PHACTR2: variants seen among roughly 807,000 people sequenced by gnomAD.
PHACTR2 encodes chromosome 6 open reading frame 56.
In PHACTR2, 30 loss-of-function variants were observed where a neutral mutation model predicts 76.0. The ratio of observed to expected loss-of-function variants is 0.39; its 90% CI spans 0.30 to 0.54. The LOEUF (loss-of-function observed/expected upper bound fraction) is 0.54, where lower values mean the gene tolerates loss of function less well. Among genes scored for constraint, PHACTR2 ranks in the 20% least tolerant of loss-of-function variants. The pLI is 0.61. For missense variants in PHACTR2, 696 were observed against 781.1 expected, an observed-to-expected ratio of 0.89 and a Z score of 1.30; for synonymous variants, 292 against 292.5, an observed-to-expected ratio of 1.00 and a Z score of 0.02.
chr6:143,575,239 T>C (rs576420951), intron 1 of PHACTR2, among the ~76,000 whole-genome samples: 1 of 152,362 alleles, frequency 6.6e-6, no homozygotes, highest in South Asian at 2.1e-4. Context: ...TATCCGTGGT[T>C]CATAGTTCGA....
rs1775032795 is a variant in PHACTR2 at position 143,547,901 on chromosome 6, T to TATC, written c.217+10695_217+10697dup. ...GTATGTACGTATGTATCTATCTATCTATCTATCATCTATCTATCCATCTAT... is the reference window on the plus strand; with the variant it reads ...GTATGTACGTATGTATCTATCTATCTATCATCTATCATCTATCTATCCATCTAT... On this transcript the variant is annotated intron_variant, in intron 1 of 11. Transcript: ENST00000367584. This position sits in a 1 kb window ranked among gnomAD's most constrained non-coding sequence, Gnocchi z 4.2. Among the ~76,000 whole-genome samples the TATC allele has an allele frequency of 6.6e-6, 1 of 152,202 alleles. No individual in the cohort carries two copies. The highest frequency in any genetic ancestry group is 2.4e-5 in the African/African-American group (1 of 41,440).
At chr6:143,747,073 A>T (rs575198073) in intron 2 of PHACTR2, among the ~76,000 whole-genome samples, 1 of 152,208 alleles carries the variant, frequency 6.6e-6, no homozygotes, top group African/African-American at 2.4e-5. Flanking sequence ...TTCTATTCTG[A>T]TTCTATCCAA....
Position 143,658,440 on chromosome 6 carries a change from C to T in PHACTR2, c.13+50118C>T, listed in dbSNP as rs1171723173. 6.6e-6 allele frequency among the ~76,000 whole-genome samples: 1 copy of T among 152,064 alleles called. No homozygotes were observed. The highest frequency in any genetic ancestry group is 1.5e-5 in the Non-Finnish European group (1 of 68,008). ...ACAGATTTTTTTCAATAAAGTACAA[C>T]CATGCATTGCTTAAAGACAGGGATA... On this transcript the variant is annotated intron_variant, in intron 1 of 11. Transcript: ENST00000305766. This position sits in a 1 kb window ranked among gnomAD's most constrained non-coding sequence, Gnocchi z 4.1.
At chr6:143,593,324 AG>A (rs1775713686) in intron 1 of PHACTR2, among the ~76,000 whole-genome samples, 1 of 120,580 alleles carries the variant, frequency 8.3e-6, no homozygotes, top group African/African-American at 3.2e-5. Flanking sequence ...GATCTCAAGG[AG>A]GAAACACAGG....
chr6:143,592,580 G>C lies in PHACTR2; in HGVS notation c.217+55373G>C, dbSNP rs1775703717. Among the ~76,000 whole-genome samples the C allele has an allele frequency of 6.6e-6, 1 of 152,060 alleles. No individual in the cohort carries two copies. The highest frequency in any genetic ancestry group is 1.5e-5 in the Non-Finnish European group (1 of 68,006). On this transcript the variant is annotated intron_variant, in intron 1 of 11. Coordinates refer to the PHACTR2 transcript ENST00000367584. This position sits in a 1 kb window ranked among gnomAD's most constrained non-coding sequence, Gnocchi z 4.0. ...TTGGTCACTCATCCTCTTTCCGGTC[G>C]TTTGTTTATGCTCTTTCCATTAACC...
upstream of PHACTR2, among the ~76,000 whole-genome samples, chr6:143,606,753 A>C (rs1775878857): frequency 6.6e-6 from 1 of 152,182 alleles, no homozygotes; most frequent in Non-Finnish European, 1.5e-5. Context: ...AAACCCAGTG[A>C]TTTCAGTCTT....
rs187086546 is a variant in PHACTR2, at chr6:143,734,196, T to C, written c.215-14789T>C. 5.3e-5 allele frequency among the ~76,000 whole-genome samples: 8 copies of C among 152,316 alleles called. No individual in the cohort carries two copies. In the East Asian group the frequency reaches 1.5e-3, roughly 29 times the overall value. On this transcript the variant is annotated intron_variant, in intron 2 of 12. Coordinates refer to ENST00000440869, the MANE Select transcript of PHACTR2 (RefSeq NM_001100164.2). ...CTAACTTTTTGTGCATTTGTCATAA[T>C]TGAAGTTAGTGGTTTTATAAATATG... is the stretch of plus-strand genomic sequence containing the variant.
rs1777147837 is a variant in PHACTR2, at chr6:143,671,166, G to T, written c.14-40850G>T. On this transcript the variant is annotated intron_variant, in intron 1 of 11. Transcript: ENST00000305766. This position sits in a 1 kb window ranked among gnomAD's most constrained non-coding sequence, Gnocchi z 4.6. ...GCTGGTCTTGAACTCCTGACATCAT[G>T]ATCCGCCTGCCTCAGCAGCCTCCCA... is the stretch of plus-strand genomic sequence containing the variant. Among the ~76,000 whole-genome samples the T allele has an allele frequency of 6.6e-6, 1 of 152,080 alleles. No homozygotes were observed. The highest frequency in any genetic ancestry group is 1.9e-4 in the East Asian group (1 of 5,178).
chr6:143,615,513 C>T (rs1015216911), intron 1 of PHACTR2, among the ~76,000 whole-genome samples: 1 of 151,960 alleles, frequency 6.6e-6, no homozygotes, highest in Non-Finnish European at 1.5e-5. Flanking sequence ...ATGGATAAGA[C>T]AAAATATAGT....
In PHACTR2 at chr6:143,691,563, G is replaced by A. The variant is rs1777644407; in HGVS notation, c.46+13354G>A. On this transcript the variant is annotated intron_variant, in intron 1 of 12. Coordinates refer to ENST00000440869, the MANE Select transcript of PHACTR2 (RefSeq NM_001100164.2). ...ATGATGCATTTCCCACAACAACTAG[G>A]TTTGAAGTAAATATATAGTTACATT... is the stretch of plus-strand genomic sequence containing the variant. Among the ~76,000 whole-genome samples the A allele has an allele frequency of 2.0e-5, 3 of 152,156 alleles. No individual in the cohort carries two copies. The South Asian group carries it at 6.2e-4, about 32-fold the overall frequency.
intron 1 of PHACTR2, among the ~76,000 whole-genome samples, chr6:143,584,893 G>C (rs1775609868): frequency 6.6e-6 from 1 of 151,748 alleles, no homozygotes; most frequent in Non-Finnish European, 1.5e-5. Flanking sequence ...AGAACATAAG[G>C]CTAGGAAGCA....
chr6:143,600,657 A>G (rs559109383), intron 1 of PHACTR2, among the ~76,000 whole-genome samples: 3 of 152,354 alleles, frequency 2.0e-5, no homozygotes, highest in East Asian at 1.9e-4. Context: ...CTGTATCTCA[A>G]TGCCTTTTAC....
At chr6:143,790,973 G>A (rs1462750602) in intron 11 of PHACTR2, among the ~76,000 whole-genome samples, 4 of 152,104 alleles carry the variant, frequency 2.6e-5, no homozygotes, top group Non-Finnish European at 5.9e-5. Context: ...CATGGCGCCC[G>A]GCCAACAAGA....
At chr6:143,607,245 A>C (rs911727249), upstream of PHACTR2, among the ~76,000 whole-genome samples, 1 of 152,210 alleles carries the variant, frequency 6.6e-6, no homozygotes, top group Non-Finnish European at 1.5e-5. Context: ...CGTAGGTCCT[A>C]TGAGGTCATT....
chr6:143,537,108 TG>T lies in PHACTR2; in HGVS notation c.120del (p.Trp40CysfsTer42). ...CCCGCCGGCGGCGCCTGCCCTGCGCTGGCTTCCCGGGGACCCGAGCCCCCGC... is the reference window on the plus strand; with the variant it reads ...CCCGCCGGCGGCGCCTGCCCTGCGCTGCTTCCCGGGGACCCGAGCCCCCGC... On this transcript the variant is annotated frameshift_variant, in exon 1 of 12. Coordinates refer to the PHACTR2 transcript ENST00000367584. LOFTEE classifies it high-confidence loss of function. The surrounding 1 kb of genome is among the most constrained non-coding windows in gnomAD (Gnocchi z 4.4). The T allele has an allele frequency of 3.5e-6, 1 of 285,814 alleles. No individual in the cohort carries two copies. The highest frequency in any genetic ancestry group is 4.3e-5 in the South Asian group (1 of 23,258). 17.7% of individuals were successfully genotyped at this position (285,814 alleles called of 1,614,324 possible). A position where few individuals can be genotyped will look rare whatever the true frequency, so the allele number is the denominator to read the frequency against.
chr6:143,681,806 A>G (rs553380377), intron 1 of PHACTR2, among the ~76,000 whole-genome samples: 3 of 152,348 alleles, frequency 2.0e-5, no homozygotes, highest in South Asian at 4.1e-4. Flanking sequence ...TGAATATCCA[A>G]TTGTTCCAGC....
intron 1 of PHACTR2, among the ~76,000 whole-genome samples, chr6:143,572,335 G>C (rs1038628507): frequency 6.6e-6 from 1 of 152,074 alleles, no homozygotes; most frequent in African/African-American, 2.4e-5. Flanking sequence ...CAGTCAATCT[G>C]ATCAATATAT....
chr6:143,683,087 C>A lies in PHACTR2; in HGVS notation c.46+4878C>A, dbSNP rs920982131. Among the ~76,000 whole-genome samples, 1 of 152,112 alleles carries A rather than the reference C, an allele frequency of 6.6e-6. No homozygotes were observed. Among genetic ancestry groups the A allele is most frequent in the Non-Finnish European group, 1.5e-5 (1 of 68,024 alleles). On this transcript the variant is annotated intron_variant, in intron 1 of 12. Coordinates refer to ENST00000440869, the MANE Select transcript of PHACTR2 (RefSeq NM_001100164.2). The surrounding 1 kb of genome is among the most constrained non-coding windows in gnomAD (Gnocchi z 4.1). ...TTTGTATGTTGCTGGGTTAGGTTTA[C>A]AAAAGTATTTTACTGAGAATTGGAT...
rs1362806343 is a variant in PHACTR2 at position 143,767,465 on chromosome 6, C to T, written c.1232+1667C>T. On this transcript the variant is annotated intron_variant, in intron 6 of 12. Coordinates refer to ENST00000440869, the MANE Select transcript of PHACTR2 (RefSeq NM_001100164.2). The surrounding 1 kb of genome is among the most constrained non-coding windows in gnomAD (Gnocchi z 4.4). ...AAATTAATTTATTTTCTTTGTTTGA[C>T]ATTTTAATAAAAGATATGGGAAAAG... Among the ~76,000 whole-genome samples the T allele has an allele frequency of 6.6e-6, 1 of 152,086 alleles. No individual in the cohort carries two copies. Among genetic ancestry groups the T allele is most frequent in the African/African-American group, 2.4e-5 (1 of 41,412 alleles).
Sources: allele counts gnomAD v4.1 joint callset (sites outside exome capture counted in the v4.1 genomes callset), GRCh38; gene constraint gnomAD v4.1.1; non-coding constraint Gnocchi (gnomAD v3.1); transcripts MANE v1.5; gene names NCBI Gene and HGNC (gene_info 2026-07-23, HGNC 2026-07-21).